The following SCUBE1 variants were observed in gnomAD, a reference collection of about 807,000 sequenced individuals.
The protein encoded by SCUBE1 is signal peptide, CUB domain and EGF like domain containing 1, also known as signal peptide, CUB and EGF-like domain-containing protein 1.
A neutral mutation model predicts 124.4 loss-of-function variants in SCUBE1; 59 were observed. The observed-to-expected ratio is 0.47, with a 90% CI of 0.38 to 0.59. The LOEUF (loss-of-function observed/expected upper bound fraction) is 0.59, where lower values mean the gene tolerates loss of function less well. Among genes scored for constraint, SCUBE1 ranks in the 20% least tolerant of loss-of-function variants. SCUBE1 has a pLI of 0.00. For missense variants in SCUBE1, 1,150 were observed against 1,371.2 expected (o/e 0.84, Z 2.55); for synonymous variants, 545 against 550.9 (o/e 0.99, Z 0.15).
intron 1 of SCUBE1, among the ~76,000 whole-genome samples, chr22:43,342,011 G>C (rs1002333991): frequency 2.6e-5 from 4 of 152,034 alleles, no homozygotes; most frequent in African/African-American, 9.7e-5. Flanking sequence ...GCTTCCAGGA[G>C]GGGTGTTGCT....
chr22:43,329,652 G>A (rs1030013049), intron 2 of SCUBE1, among the ~76,000 whole-genome samples: 10 of 152,284 alleles, frequency 6.6e-5, no homozygotes, highest in Non-Finnish European at 1.2e-4. Context: ...TAGGCCAGGC[G>A]TCCAACCAGC....
chr22:43,251,347 C>G (rs1923439518), intron 6 of SCUBE1, among the ~76,000 whole-genome samples: 1 of 152,186 alleles, frequency 6.6e-6, no homozygotes, highest in African/African-American at 2.4e-5. Context: ...TCCTTCAGCC[C>G]AAGCAGAACC....
At chr22:43,247,010 C>A (rs1266890365) in intron 6 of SCUBE1, among the ~76,000 whole-genome samples, 1 of 152,234 alleles carries the variant, frequency 6.6e-6, no homozygotes, top group Non-Finnish European at 1.5e-5. Context: ...CGCTGTTAAT[C>A]CTGCTGGGTC....
intron 20 of SCUBE1, 70 bp downstream of exon 20, chr22:43,208,002 G>A (rs1439376807): frequency 2.6e-5 from 40 of 1,554,494 alleles, no homozygotes; most frequent in Middle Eastern, 1.7e-4. Context: ...GGGGACGTGC[G>A]ACTCATCTCT....
chr22:43,334,349 G>C (rs17003673), intron 2 of SCUBE1, among the ~76,000 whole-genome samples: 2,869 of 152,238 alleles, frequency 0.019, 94 homozygotes, highest in African/African-American at 0.066. Context: ...ACCTCTGTGG[G>C]GATATAAGTA....
chr22:43,326,917 G>A (rs1926745475), intron 2 of SCUBE1, among the ~76,000 whole-genome samples: 1 of 151,954 alleles, frequency 6.6e-6, no homozygotes, highest in South Asian at 2.1e-4. Flanking sequence ...GCTCATCTTC[G>A]AGCAGATCTA....
rs1480081821 is a variant in SCUBE1, at chr22:43,210,100, C to T, written c.2524G>A (p.Glu842Lys). The T allele has an allele frequency of 6.2e-7, 1 of 1,613,004 alleles. No homozygotes were observed. The highest frequency in any genetic ancestry group is 1.1e-5 in the South Asian group (1 of 91,044). ...PKRRILIVVP[E>K]IFLPIEDECG... ...TCATCCTCGATGGGCAGGAAGATCT[C>T]AGGGACCACGATGAGGATCCTGCGC... The change falls in exon 19 of 22, where the codon GAG becomes AAG. Residue 842 changes from glutamate to lysine, a missense_variant. Physicochemically the swap from Glu to Lys is moderately conservative, Grantham distance 56. This residue lies in a region of SCUBE1 where 757 missense variants were observed against 840.9 expected (regional missense o/e 0.90). Transcript: ENST00000360835. The surrounding 1 kb of genome is among the most constrained non-coding windows in gnomAD (Gnocchi z 4.5).
At chr22:43,264,245 T>C (rs1300711753) in intron 4 of SCUBE1, among the ~76,000 whole-genome samples, 3 of 152,228 alleles carry the variant, frequency 2.0e-5, no homozygotes, top group African/African-American at 7.2e-5. Flanking sequence ...CCTTCCTGGC[T>C]GTGGCCTGGG....
At chr22:43,286,981 G>A (rs985502258) in intron 4 of SCUBE1, among the ~76,000 whole-genome samples, 3 of 152,230 alleles carry the variant, frequency 2.0e-5, no homozygotes, top group Non-Finnish European at 2.9e-5. Flanking sequence ...GAAGAGCAGT[G>A]TGGGAGAGGG....
At chr22:43,281,465 A>C (rs1328054838) in intron 4 of SCUBE1, among the ~76,000 whole-genome samples, 1 of 73,242 alleles carries the variant, frequency 1.4e-5, no homozygotes, top group Admixed American at 1.5e-4. Context: ...TCCCTCAGCC[A>C]CCCTCCTGTC....
chr22:43,335,850 ATGG>A (rs1340965247), intron 2 of SCUBE1, among the ~76,000 whole-genome samples: 6 of 145,084 alleles, frequency 4.1e-5, no homozygotes, highest in Non-Finnish European at 7.7e-5. Context: ...GATAATGATG[ATGG>A]TGGTGATGAT....
Position 43,227,566 on chromosome 22 carries a change from C to T in SCUBE1, c.1085-70G>A, listed in dbSNP as rs574615741. On this transcript the variant is annotated intron_variant, in intron 9 of 21. Transcript: ENST00000360835. Reference sequence around the variant, plus strand: ...GGCGGCTGGCAGGGGAAGGGACCACCCAGGGCAAGAGGGCAAGAATCTCCT... The same window carrying T: ...GGCGGCTGGCAGGGGAAGGGACCACTCAGGGCAAGAGGGCAAGAATCTCCT... 1.1e-5 allele frequency: 18 copies of T among 1,578,708 alleles called. No individual in the cohort carries two copies. The Admixed American group carries it at 2.9e-4, about 25-fold the overall frequency.
Position 43,214,252 on chromosome 22 carries a change from C to A in SCUBE1, c.1892-1G>T. ...AAGTGGGTGCCAGGCCCACAGGCAA[C>A]TGCAGAGGCAAAGCGGAGAGGCTGC... On this transcript the variant is annotated splice_acceptor_variant, in intron 15 of 21. Coordinates refer to ENST00000360835, the MANE Select transcript of SCUBE1 (RefSeq NM_173050.5). LOFTEE classifies it high-confidence loss of function. 2 of 1,611,098 alleles carry A rather than the reference C, an allele frequency of 1.2e-6. No individual in the cohort carries two copies. Among genetic ancestry groups the A allele is most frequent in the Non-Finnish European group, 1.7e-6 (2 of 1,178,788 alleles).
intron 2 of SCUBE1, among the ~76,000 whole-genome samples, chr22:43,326,147 C>G (rs1450163632): frequency 6.6e-6 from 1 of 152,150 alleles, no homozygotes; most frequent in Non-Finnish European, 1.5e-5. Flanking sequence ...ATCCCACTCT[C>G]TACTCTCGGA....
chr22:43,319,185 G>C (rs1044179749), intron 3 of SCUBE1, among the ~76,000 whole-genome samples: 6 of 152,184 alleles, frequency 3.9e-5, no homozygotes, highest in African/African-American at 1.2e-4. Context: ...AGGGCCTTTA[G>C]AGAGATAATT....
At chr22:43,231,551 A>C (rs1922552437) in intron 8 of SCUBE1, among the ~76,000 whole-genome samples, 1 of 152,144 alleles carries the variant, frequency 6.6e-6, no homozygotes, top group Non-Finnish European at 1.5e-5. Flanking sequence ...ACATGTGCTG[A>C]AGCCCTCTCG....
chr22:43,242,414 T>C (rs868391797), intron 6 of SCUBE1, among the ~76,000 whole-genome samples: 1 of 152,208 alleles, frequency 6.6e-6, no homozygotes, highest in African/African-American at 2.4e-5. Context: ...GCCTTTACCA[T>C]GGGGCCCCTC....
chr22:43,251,638 C>T (rs1390416721), intron 6 of SCUBE1, among the ~76,000 whole-genome samples: 1 of 152,132 alleles, frequency 6.6e-6, no homozygotes, highest in Non-Finnish European at 1.5e-5. Context: ...GGAACGTGGG[C>T]AGCTCTAGAA....
rs552279204 is a variant in SCUBE1, at chr22:43,238,858, G to C, written c.824C>G (p.Pro275Arg). ...CTGACCTTTGCATGTCTTCCCGTCC[G>C]GCTGCAGTGTGAATCCAACGGGGCA... ...CSCPVGFTLQ[P>R]DGKTCKDINE... The change falls in exon 7 of 22, where the codon CCG (proline) becomes CGG (arginine). Residue 275 changes from proline (P) to arginine (R), a missense_variant. Coordinates refer to ENST00000360835, the MANE Select transcript of SCUBE1 (RefSeq NM_173050.5). 8 of 1,613,002 alleles carry C rather than the reference G, an allele frequency of 5.0e-6. No individual in the cohort carries two copies. Among genetic ancestry groups the C allele is most frequent in the Non-Finnish European group, 6.8e-6 (8 of 1,179,932 alleles).
Sources: gnomAD v4.1 joint callset for allele counts (sites outside exome capture counted in the v4.1 genomes callset) on GRCh38, gnomAD v4.1.1 for gene constraint, gnomAD v4.1.1 regional missense constraint, Gnocchi (gnomAD v3.1) non-coding constraint, MANE v1.5 for transcripts, NCBI Gene and HGNC (gene_info 2026-07-23, HGNC 2026-07-21) for gene names.